The following TARBP1 variants were observed in gnomAD, a reference collection of about 807,000 sequenced individuals.
TARBP1 encodes tRNA guanosine 2 -O-methyltransferase TARBP1, also known as tRNA (guanosine(18)-2'-O)-methyltransferase TARBP1.
In TARBP1, 144 loss-of-function variants were observed where a neutral mutation model predicts 178.6. The ratio of observed to expected loss-of-function variants is 0.81; its 90% confidence interval spans 0.70 to 0.93. TARBP1 has a LOEUF of 0.93. Ranked by LOEUF, TARBP1 falls within the 40% of genes least tolerant of loss-of-function variation. The pLI is 0.00. For missense variants in TARBP1, 2,067 were observed against 2,011.7 expected (o/e 1.03, Z -0.53); for synonymous variants, 787 against 781.0 (o/e 1.01, Z -0.13).
At position 234,406,348 on chromosome 1, in the gene TARBP1, G is replaced by GC. The variant is rs557704246; in HGVS notation, c.3793-250dup. On this transcript the variant is annotated intron_variant, in intron 23 of 29. Transcript: ENST00000040877. ...TTAATGCTGCAGTACATTTCCCCCC[G>GC]CCCCCCATACTCTAGTACCTGAGTT... 93 of 470,606 alleles carry GC rather than the reference G, an allele frequency of 2.0e-4. No homozygotes were observed. The East Asian group carries it at 3.0e-3, about 15-fold the overall frequency. 29.2% of individuals were successfully genotyped at this position (470,606 alleles called of 1,614,324 possible).
intron 9 of TARBP1, among the ~76,000 whole-genome samples, chr1:234,451,184 A>G (rs1666717988): frequency 6.6e-6 from 1 of 152,234 alleles, no homozygotes; most frequent in Non-Finnish European, 1.5e-5. Flanking sequence ...GTTTGCAAAT[A>G]AAAGTCACAT....
intron 2 of TARBP1, 86 bp downstream of exon 2, chr1:234,472,628 T>C: frequency 2.4e-6 from 2 of 849,276 alleles, no homozygotes; most frequent in South Asian, 1.9e-5. Flanking sequence ...TCTGAGTTAG[T>C]CTCTTTGTAT....
chr1:234,435,869 C>T (rs1195309092), intron 13 of TARBP1, among the ~76,000 whole-genome samples: 3 of 152,116 alleles, frequency 2.0e-5, no homozygotes, highest in Non-Finnish European at 4.4e-5. Context: ...AGGCTGAAAT[C>T]GGCCGTGGAA....
At chr1:234,428,251 G>C (rs1202664502) in intron 17 of TARBP1, among the ~76,000 whole-genome samples, 1 of 152,140 alleles carries the variant, frequency 6.6e-6, no homozygotes, top group East Asian at 1.9e-4. Context: ...ACCTTGGTAT[G>C]TTCCTATCTC....
At chr1:234,466,619 T>C (rs956977527) in intron 4 of TARBP1, among the ~76,000 whole-genome samples, 1 of 152,002 alleles carries the variant, frequency 6.6e-6, no homozygotes, top group Admixed American at 6.5e-5. Flanking sequence ...TCCCAGCACT[T>C]TGGGAGGCCA....
intron 26 of TARBP1, among the ~76,000 whole-genome samples, chr1:234,395,600 T>A (rs1659854831): frequency 6.6e-6 from 1 of 152,246 alleles, no homozygotes. Context: ...GATATGGTGA[T>A]ATTTCAAGAG....
chr1:234,463,958 C>A, intron 5 of TARBP1, 24 bp from the exon 6 acceptor site: 1 of 1,467,504 alleles, frequency 6.8e-7, no homozygotes, highest in Non-Finnish European at 9.2e-7. Context: ...GTGGGGAAAA[C>A]AAATATTTAA....
intron 25 of TARBP1, chr1:234,400,252 A>C (rs1660546057): frequency 6.6e-6 from 1 of 152,200 alleles, no homozygotes; most frequent in African/African-American, 2.4e-5. Flanking sequence ...GACTGAATAG[A>C]AAAAGGTTGA....
chr1:234,476,956 C>A (rs1477759816), intron 1 of TARBP1, among the ~76,000 whole-genome samples: 1 of 152,188 alleles, frequency 6.6e-6, no homozygotes, highest in East Asian at 1.9e-4. Context: ...GAGGCCAAGG[C>A]GGGCAGATCA....
At position 234,418,240 on chromosome 1, in the gene TARBP1, A is replaced by G. The variant is rs768711603; in HGVS notation, c.3556-7T>C. ...TAATTCCATTCAAGAAATTCTGAGA[A>G]AAAAAGTTCACAATTAACCAGTTAC... On this transcript the variant is annotated splice_polypyrimidine_tract_variant and splice_region_variant and intron_variant, in intron 21 of 29. Transcript: ENST00000040877. 2 of 1,547,714 alleles carry G rather than the reference A, an allele frequency of 1.3e-6. No individual in the cohort carries two copies. Among genetic ancestry groups the G allele is most frequent in the East Asian group, 4.8e-5 (2 of 41,428 alleles).
chr1:234,473,089 T>C (rs1210258478), intron 1 of TARBP1, among the ~76,000 whole-genome samples: 14 of 151,996 alleles, frequency 9.2e-5, no homozygotes, highest in Admixed American at 2.6e-4. Flanking sequence ...CAGTAAAGGA[T>C]TTTTCAAGGG....
At position 234,392,561 on chromosome 1, in the gene TARBP1, T is replaced by C; in HGVS notation, c.4561-9A>G. 1 of 1,613,196 alleles carries C rather than the reference T, an allele frequency of 6.2e-7. No individual in the cohort carries two copies. The highest frequency in any genetic ancestry group is 8.5e-7 in the Non-Finnish European group (1 of 1,179,494). On this transcript the variant is annotated splice_polypyrimidine_tract_variant and intron_variant, in intron 28 of 29. Coordinates refer to ENST00000040877, the MANE Select transcript of TARBP1 (RefSeq NM_005646.4). ...AGCTGAGGTGGTTTTACCTGAATAT[T>C]AGTTTAAAAAGAACAGAATATTCAT...
At chr1:234,456,508 T>C (rs900645357) in intron 9 of TARBP1, among the ~76,000 whole-genome samples, 2 of 152,196 alleles carry the variant, frequency 1.3e-5, no homozygotes, top group Admixed American at 6.5e-5. Flanking sequence ...AGCAAAAACT[T>C]TGAAACAAAG....
intron 22 of TARBP1, among the ~76,000 whole-genome samples, chr1:234,413,195 C>T (rs1662040398): frequency 6.6e-6 from 1 of 152,296 alleles, no homozygotes; most frequent in Admixed American, 6.5e-5. Context: ...AGGAGCAAAA[C>T]TGCCCAGCCA....
intron 1 of TARBP1, among the ~76,000 whole-genome samples, chr1:234,477,185 AAC>A (rs948053254): frequency 7.1e-6 from 1 of 140,710 alleles, no homozygotes; most frequent in Non-Finnish European, 1.6e-5. Flanking sequence ...AACTCCATAA[AAC>A]AAACAAACAA....
In TARBP1 at chr1:234,438,160, G is replaced by T. The variant is rs180742654; in HGVS notation, c.2135-788C>A. Among the ~76,000 whole-genome samples the T allele has an allele frequency of 3.7e-4, 57 of 152,240 alleles. 1 individual carries two copies. The highest frequency in any genetic ancestry group is 2.3e-3 in the Admixed American group (35 of 15,300). On this transcript the variant is annotated intron_variant, in intron 12 of 29. Transcript: ENST00000040877. ...AACCTAACCAGGTTGACTGTGTACT[G>T]GACAACAGTATCAACATTCTCCACA... is the stretch of plus-strand genomic sequence containing the variant.
At chr1:234,423,522 C>A (rs536630755) in intron 20 of TARBP1, among the ~76,000 whole-genome samples, 1 of 152,296 alleles carries the variant, frequency 6.6e-6, no homozygotes, top group South Asian at 2.1e-4. Flanking sequence ...TTCTTCTGAA[C>A]TGTTTCTACT....
intron 12 of TARBP1, among the ~76,000 whole-genome samples, chr1:234,443,674 A>G (rs1665833146): frequency 6.6e-6 from 1 of 152,252 alleles, no homozygotes; most frequent in Non-Finnish European, 1.5e-5. Flanking sequence ...CAGCAGCATT[A>G]TTCACAAAAG....
chr1:234,425,877 A>C, intron 19 of TARBP1, 84 bp from the exon 20 acceptor site: 1 of 1,129,870 alleles, frequency 8.9e-7, no homozygotes, highest in Non-Finnish European at 1.2e-6. Context: ...ATATCATTAC[A>C]CGATCAAAAC....
Sources: allele counts gnomAD v4.1 joint callset (sites outside exome capture counted in the v4.1 genomes callset), GRCh38; gene constraint gnomAD v4.1.1; transcripts MANE v1.5; gene names NCBI Gene and HGNC (gene_info 2026-07-23, HGNC 2026-07-21).